Variants in POLR1A observed in about 807,000 individuals in gnomAD.
POLR1A encodes the protein DNA-directed RNA polymerase I subunit RPA1.
Under a neutral mutation model 205.3 loss-of-function variants are expected in POLR1A, and 84 were observed. That is an observed-to-expected ratio of 0.41 (90% CI 0.34 to 0.49). The LOEUF is 0.49. POLR1A is among the 20% of genes least tolerant of loss of function. POLR1A has a pLI of 0.22. For synonymous variants in POLR1A, 799 were observed against 863.7 expected, an observed-to-expected ratio of 0.93 and a Z score of 1.31; for missense variants, 1,645 against 2,204.5, an observed-to-expected ratio of 0.75 and a Z score of 5.08.
intron 12 of POLR1A, among the ~76,000 whole-genome samples, chr2:86,072,913 A>C (rs1158768681): frequency 6.6e-6 from 1 of 152,104 alleles, no homozygotes; most frequent in African/African-American, 2.4e-5. Flanking sequence ...ACATTAACCA[A>C]AGTCTTCAAA....
chr2:86,043,751 C>T (rs540919757), intron 22 of POLR1A, among the ~76,000 whole-genome samples: 8 of 152,290 alleles, frequency 5.3e-5, no homozygotes, highest in East Asian at 3.9e-4. Flanking sequence ...TGCCACTCAC[C>T]GACTGTTTAC....
At position 86,027,340 on chromosome 2, in the gene POLR1A, C is replaced by G; in HGVS notation, c.*83G>C. The G allele has an allele frequency of 9.1e-7, 1 of 1,100,288 alleles. No individual in the cohort carries two copies. The highest frequency in any genetic ancestry group is 1.2e-5 in the South Asian group (1 of 80,928). The allele number at this position is 1,100,288 out of a possible 1,614,324, so 68.2% of individuals were successfully genotyped here. ...TGGAACTGCCCTGGATTCCAGTCTCCTGGTCCTCTCATGCAGAAGGCAGGC... is the reference window on the plus strand; with the variant it reads ...TGGAACTGCCCTGGATTCCAGTCTCGTGGTCCTCTCATGCAGAAGGCAGGC... On this transcript the variant is annotated 3_prime_UTR_variant, in exon 34 of 34. Coordinates refer to ENST00000263857, the MANE Select transcript of POLR1A (RefSeq NM_015425.6).
intron 12 of POLR1A, among the ~76,000 whole-genome samples, chr2:86,073,754 A>T (rs1673223610): frequency 6.6e-6 from 1 of 152,238 alleles, no homozygotes; most frequent in South Asian, 2.1e-4. Flanking sequence ...CAGGGACTGC[A>T]AAGTGCTAGC....
At chr2:86,088,910 T>C in intron 4 of POLR1A, 40 bp from the exon 5 acceptor site, 2 of 1,394,362 alleles carry the variant, frequency 1.4e-6, no homozygotes, top group African/African-American at 2.8e-5. Context: ...TGGAGTGCCA[T>C]TTTGAAGAGA....
At chr2:86,094,764 G>A (rs979179099) in intron 3 of POLR1A, among the ~76,000 whole-genome samples, 4 of 151,840 alleles carry the variant, frequency 2.6e-5, no homozygotes, top group African/African-American at 9.7e-5. Context: ...GTATGTATTC[G>A]ATCAATTAAG....
At chr2:86,030,087 G>C in intron 31 of POLR1A, 109 bp downstream of exon 31, 2 of 864,474 alleles carry the variant, frequency 2.3e-6, no homozygotes, top group Non-Finnish European at 1.9e-6. Flanking sequence ...AATGGCTCAG[G>C]AAGGGCCAGA....
intron 27 of POLR1A, among the ~76,000 whole-genome samples, chr2:86,034,716 T>G (rs758719885): frequency 5.9e-5 from 9 of 152,154 alleles, no homozygotes; most frequent in Non-Finnish European, 1.2e-4. Context: ...GCCCAGCATG[T>G]GCCAGCCCTG....
chr2:86,104,669 G>C (rs1203951557), intron 1 of POLR1A, among the ~76,000 whole-genome samples: 3 of 152,228 alleles, frequency 2.0e-5, no homozygotes, highest in Middle Eastern at 3.4e-3. Flanking sequence ...GGATGGTCTC[G>C]ATCTCCCGAC....
intron 30 of POLR1A, among the ~76,000 whole-genome samples, chr2:86,030,627 G>A (rs889142458): frequency 5.3e-5 from 8 of 152,182 alleles, no homozygotes; most frequent in African/African-American, 1.9e-4. Flanking sequence ...TTTCACAGCT[G>A]TCGGTGACAA....
chr2:86,089,131 A>C (rs531144441), intron 4 of POLR1A, among the ~76,000 whole-genome samples: 1 of 152,368 alleles, frequency 6.6e-6, no homozygotes, highest in Non-Finnish European at 1.5e-5. Context: ...TAAGACAAAG[A>C]ATCATGAATG....
rs193235531 is a variant in POLR1A at position 86,050,917 on chromosome 2, G to C, written c.2393-1675C>G. On this transcript the variant is annotated intron_variant, in intron 16 of 33. Coordinates refer to ENST00000263857, the MANE Select transcript of POLR1A (RefSeq NM_015425.6). ...GCCCAGAAGTGGCTCAGGTCTCTTA[G>C]TGGAATTAAGATGGGGGAAGGTGAG... 3.4e-3 allele frequency among the ~76,000 whole-genome samples: 521 copies of C among 152,318 alleles called. 4 individuals are homozygous for C. The highest frequency in any genetic ancestry group is 6.1e-3 in the Non-Finnish European group (414 of 68,026).
In POLR1A at chr2:86,031,667, T is replaced by C. The variant is rs200666658; in HGVS notation, c.4273-32A>G. The stretch of plus-strand genomic sequence containing the variant: ...GAAAAGGGAGCACAGGCTGTGTCAC[T>C]TGGGGACCCACCATCTACCTGGACT... On this transcript the variant is annotated intron_variant, in intron 29 of 33. Transcript: ENST00000263857. 3.0e-4 allele frequency: 479 copies of C among 1,581,032 alleles called. 1 individual carries two copies. The highest frequency in any genetic ancestry group is 3.9e-4 in the Non-Finnish European group (448 of 1,161,732).
intron 19 of POLR1A, 125 bp from the exon 20 acceptor site, chr2:86,045,894 C>T: frequency 1.3e-6 from 1 of 764,392 alleles, no homozygotes; most frequent in South Asian, 1.7e-5. Context: ...TTCTTGAAGG[C>T]TAACCTACAT....
At chr2:86,079,247 G>C (rs1404548176) in intron 9 of POLR1A, among the ~76,000 whole-genome samples, 1 of 152,198 alleles carries the variant, frequency 6.6e-6, no homozygotes, top group East Asian at 1.9e-4. Context: ...TCCCCTTCTG[G>C]CTGGAGTCCC....
intron 14 of POLR1A, among the ~76,000 whole-genome samples, chr2:86,062,074 A>G (rs1673008828): frequency 6.6e-6 from 1 of 152,014 alleles, no homozygotes; most frequent in African/African-American, 2.4e-5. Context: ...CTGGAGAAAC[A>G]CTCTAAGACT....
At position 86,044,268 on chromosome 2, in the gene POLR1A, C is replaced by T. The variant is rs199606560; in HGVS notation, c.3006G>A (p.Gln1002=). 8,224 of 1,614,204 alleles carry T rather than the reference C, an allele frequency of 5.1e-3. 108 individuals carry two copies. The highest frequency in any genetic ancestry group is 0.035 in the South Asian group (3,232 of 91,082). ...CACTGTCACGGACCGTGAGATCATACTGCACGACCAGCCCCTCTAGGTGCT... is the reference window on the plus strand; with the variant it reads ...CACTGTCACGGACCGTGAGATCATATTGCACGACCAGCCCCTCTAGGTGCT... The part of the protein sequence containing the change: ...IIKHLEGLVV[Q]YDLTVRDSDG... Residue 1002 remains glutamine (Q), a synonymous_variant, in exon 22 of 34, where the codon CAG becomes CAA. Coordinates refer to ENST00000263857, the MANE Select transcript of POLR1A (RefSeq NM_015425.6).
At chr2:86,046,886 A>C (rs1255135562) in intron 19 of POLR1A, among the ~76,000 whole-genome samples, 1 of 152,158 alleles carries the variant, frequency 6.6e-6, no homozygotes, top group Non-Finnish European at 1.5e-5. Context: ...AAATTGTGTG[A>C]GTATACATAA....
At chr2:86,044,477 T>TC in intron 21 of POLR1A, 173 bp from the exon 22 acceptor site, 3 of 645,520 alleles carry the variant, frequency 4.6e-6, no homozygotes. Flanking sequence ...TGCTCCAGTG[T>TC]CCCCCAGCCA....
chr2:86,068,449 G>A (rs1673124480), intron 13 of POLR1A, among the ~76,000 whole-genome samples: 1 of 142,720 alleles, frequency 7.0e-6, no homozygotes, highest in Non-Finnish European at 1.5e-5. Flanking sequence ...ATTGCTGGCT[G>A]ACATATTACT....
Sources: allele counts gnomAD v4.1 joint callset (sites outside exome capture counted in the v4.1 genomes callset), GRCh38; gene constraint gnomAD v4.1.1; transcripts MANE v1.5; gene names NCBI Gene and HGNC (gene_info 2026-07-23, HGNC 2026-07-21).